The following ZFHX4 variants were observed in gnomAD, a reference collection of about 807,000 sequenced individuals.
The protein encoded by ZFHX4 is zinc finger homeobox protein 4.
A neutral mutation model predicts 267.6 loss-of-function variants in ZFHX4; 56 were observed. That is an observed-to-expected ratio of 0.21 (90% confidence interval 0.17 to 0.26). ZFHX4 has a LOEUF of 0.26. Ranked by LOEUF, ZFHX4 falls within the 10% of genes least tolerant of loss-of-function variation. ZFHX4 has a pLI of 1.00. For synonymous variants in ZFHX4, 1,778 were observed against 1,665.6 expected, an observed-to-expected ratio of 1.07 and a Z score of -1.64; for missense variants, 4,332 against 4,420.0, an observed-to-expected ratio of 0.98 and a Z score of 0.56.
chr8:76,691,334 A>C (rs1807818595), intron 1 of ZFHX4, among the ~76,000 whole-genome samples: 1 of 152,174 alleles, frequency 6.6e-6, no homozygotes, highest in Non-Finnish European at 1.5e-5. Context: ...TGATTCATAA[A>C]AATACTGATG....
At chr8:76,785,252 T>A (rs2131791529) in intron 4 of ZFHX4, among the ~76,000 whole-genome samples, 1 of 152,248 alleles carries the variant, frequency 6.6e-6, no homozygotes, top group South Asian at 2.1e-4. Context: ...GCAACATAGT[T>A]GAAATCTGTA....
rs1178807555 is a variant in ZFHX4, at chr8:76,704,862, C to A, written c.774C>A (p.Asn258Lys). Residue 258 changes from asparagine (N) to lysine (K), a missense_variant, in exon 2 of 11, where the codon AAC (asparagine) becomes AAA (lysine). Transcript: ENST00000651372. ...KNSCVSKDVP[N>K]NVDLSKFDGC... is the part of the protein sequence containing the mutation. The stretch of plus-strand genomic sequence containing the variant: ...CCTGTGTGTCCAAAGATGTCCCTAA[C>A]AATGTGGACTTGTCCAAATTCGATG... 6.2e-7 allele frequency: 1 copy of A among 1,614,212 alleles called. No individual in the cohort carries two copies. Among genetic ancestry groups the A allele is most frequent in the Admixed American group, 1.7e-5 (1 of 60,024 alleles).
At chr8:76,715,921 G>A (rs916408879) in intron 3 of ZFHX4, among the ~76,000 whole-genome samples, 4 of 152,096 alleles carry the variant, frequency 2.6e-5, no homozygotes, top group Non-Finnish European at 4.4e-5. Flanking sequence ...TGCTTAAGGG[G>A]TTAGTGTTAG....
rs1392090442 is a variant in ZFHX4, at chr8:76,850,240, C to T, written c.3847-5C>T. On this transcript the variant is annotated splice_polypyrimidine_tract_variant and splice_region_variant and intron_variant, in intron 8 of 10. Coordinates refer to ENST00000651372, the MANE Select transcript of ZFHX4 (RefSeq NM_024721.5). ...ATTTAACATAAACCCCTTTGGTTTC[C>T]AAAGGTGCCTGTCCCTGATGTGATG... The T allele has an allele frequency of 6.2e-7, 1 of 1,608,678 alleles. No homozygotes were observed. Among genetic ancestry groups the T allele is most frequent in the Non-Finnish European group, 8.5e-7 (1 of 1,177,838 alleles).
chr8:76,701,096 C>A (rs981089269), intron 1 of ZFHX4, among the ~76,000 whole-genome samples: 1 of 152,116 alleles, frequency 6.6e-6, no homozygotes, highest in Non-Finnish European at 1.5e-5. Flanking sequence ...GCATCATATT[C>A]AGTGTCACTG....
chr8:76,858,421 C>A, intron 10 of ZFHX4, among the ~76,000 whole-genome samples: 1 of 152,128 alleles, frequency 6.6e-6, no homozygotes. Flanking sequence ...TTTATTAAAT[C>A]GTGGACTGAA....
At chr8:76,786,813 G>C (rs2131796283) in intron 4 of ZFHX4, among the ~76,000 whole-genome samples, 1 of 152,302 alleles carries the variant, frequency 6.6e-6, no homozygotes, top group East Asian at 1.9e-4. Flanking sequence ...CCCTTGGCAA[G>C]AGTGTGCCAC....
intron 4 of ZFHX4, among the ~76,000 whole-genome samples, chr8:76,822,450 C>G (rs1811674685): frequency 7.3e-6 from 1 of 137,416 alleles, no homozygotes; most frequent in Non-Finnish European, 1.5e-5. Flanking sequence ...CTGTGTCTAC[C>G]TCTTTTTTTT....
At chr8:76,720,109 T>G (rs1808679651) in intron 3 of ZFHX4, among the ~76,000 whole-genome samples, 1 of 152,162 alleles carries the variant, frequency 6.6e-6, no homozygotes, top group African/African-American at 2.4e-5. Flanking sequence ...ACAATTGATT[T>G]TAGAATATTT....
At chr8:76,710,669 T>C (rs1808400330) in intron 3 of ZFHX4, among the ~76,000 whole-genome samples, 1 of 152,196 alleles carries the variant, frequency 6.6e-6, no homozygotes, top group Non-Finnish European at 1.5e-5. Context: ...ATAAGACAAA[T>C]ACAGAGCTGC....
At chr8:76,817,324 C>G (rs1811532457) in intron 4 of ZFHX4, among the ~76,000 whole-genome samples, 1 of 152,130 alleles carries the variant, frequency 6.6e-6, no homozygotes, top group Non-Finnish European at 1.5e-5. Flanking sequence ...AGCGTTTTCA[C>G]ACTCAGTCTT....
intron 5 of ZFHX4, among the ~76,000 whole-genome samples, chr8:76,836,085 G>A (rs1012239091): frequency 6.6e-6 from 1 of 152,138 alleles, no homozygotes; most frequent in Non-Finnish European, 1.5e-5. Flanking sequence ...ATATTAGTGA[G>A]TATCTTCTAT....
chr8:76,845,889 T>C (rs1812352301), intron 6 of ZFHX4, among the ~76,000 whole-genome samples: 1 of 151,918 alleles, frequency 6.6e-6, no homozygotes, highest in Admixed American at 6.6e-5. Context: ...TTAAAATGAA[T>C]GAAAATGACA....
In ZFHX4 at chr8:76,705,422, G is replaced by A; in HGVS notation, c.1334G>A (p.Cys445Tyr). ...MSESKDQENN[C>Y]ERPKESNVLH... ...GAGAGCAAAGACCAAGAGAACAACT[G>A]TGAAAGGCCAAAAGAAAGCAACGTT... The change falls in exon 2 of 11, where the codon TGT (cysteine) becomes TAT (tyrosine). Residue 445 changes from cysteine (C) to tyrosine (Y), a missense_variant. Physicochemically the swap from Cys to Tyr is radical, Grantham distance 194. Coordinates refer to ENST00000651372, the MANE Select transcript of ZFHX4 (RefSeq NM_024721.5). The A allele has an allele frequency of 6.2e-7, 1 of 1,613,824 alleles. No homozygotes were observed. The highest frequency in any genetic ancestry group is 1.1e-5 in the South Asian group (1 of 91,066).
chr8:76,796,264 A>G (rs1175329895), intron 4 of ZFHX4, among the ~76,000 whole-genome samples: 1 of 152,218 alleles, frequency 6.6e-6, no homozygotes, highest in African/African-American at 2.4e-5. Context: ...ACTATTGCAC[A>G]CATAGTATAT....
At chr8:76,729,152 T>A (rs1808932481) in intron 3 of ZFHX4, among the ~76,000 whole-genome samples, 1 of 152,178 alleles carries the variant, frequency 6.6e-6, no homozygotes, top group African/African-American at 2.4e-5. Context: ...AGATAATTTT[T>A]ATGGAATTTT....
intron 3 of ZFHX4, among the ~76,000 whole-genome samples, chr8:76,770,446 T>C (rs932439507): frequency 1.2e-4 from 19 of 152,322 alleles, no homozygotes; most frequent in Non-Finnish European, 2.2e-4. Context: ...ACTTCTGATC[T>C]ATTGCCTGCC....
intron 10 of ZFHX4, among the ~76,000 whole-genome samples, chr8:76,862,337 A>G (rs550486900): frequency 1.3e-5 from 2 of 152,178 alleles, no homozygotes; most frequent in Non-Finnish European, 2.9e-5. Context: ...TGGAAGAAGC[A>G]TGTTTTGGGG....
At chr8:76,726,360 T>C (rs187471963) in intron 3 of ZFHX4, among the ~76,000 whole-genome samples, 16 of 152,296 alleles carry the variant, frequency 1.1e-4, no homozygotes, top group Non-Finnish European at 1.6e-4. Flanking sequence ...AACTACATTT[T>C]TTATTGGAAA....
Sources: gnomAD v4.1 joint callset for allele counts (sites outside exome capture counted in the v4.1 genomes callset) on GRCh38, gnomAD v4.1.1 for gene constraint, MANE v1.5 for transcripts, NCBI Gene and HGNC (gene_info 2026-07-23, HGNC 2026-07-21) for gene names.